Variants in SATB2 observed in about 807,000 individuals in gnomAD.
SATB2 encodes DNA-binding protein SATB2.
SATB2 carries 1 observed loss-of-function variant against 73.4 expected under a neutral mutation model. That is an observed-to-expected ratio of 0.01 (90% confidence interval 0.00 to 0.06). The LOEUF is 0.06. SATB2 is among the 10% of genes least tolerant of loss of function. The pLI, the probability that SATB2 is intolerant of heterozygous loss-of-function variation, is 1.00. For synonymous variants in SATB2, 397 were observed against 367.0 expected, an observed-to-expected ratio of 1.08 and a Z score of -0.93; for missense variants, 459 against 945.8, an observed-to-expected ratio of 0.49 and a Z score of 6.75.
intron 9 of SATB2, among the ~76,000 whole-genome samples, chr2:199,313,812 T>A (rs763861554): frequency 6.6e-6 from 1 of 152,190 alleles, no homozygotes; most frequent in Non-Finnish European, 1.5e-5. Flanking sequence ...GAACCTCTAG[T>A]TCACAATTTA....
chr2:199,395,800 T>G (rs978843529), intron 3 of SATB2: 10 of 152,210 alleles, frequency 6.6e-5, no homozygotes, highest in Non-Finnish European at 1.2e-4. Context: ...GTTGGGGTAG[T>G]ATATTCAATA....
intron 10 of SATB2, among the ~76,000 whole-genome samples, chr2:199,300,801 A>T (rs1230502122): frequency 1.3e-5 from 2 of 152,144 alleles, no homozygotes; most frequent in Admixed American, 6.6e-5. Context: ...CAAGCTACTC[A>T]AGAAACCAGG....
chr2:199,413,470 C>T (rs1690881509), intron 3 of SATB2, among the ~76,000 whole-genome samples: 2 of 152,254 alleles, frequency 1.3e-5, no homozygotes, highest in African/African-American at 2.4e-5. Flanking sequence ...TAGCTTTCTG[C>T]CCCTCTGCTC....
Position 199,410,526 on chromosome 2 carries a change from C to T in SATB2, c.346+22812G>A, listed in dbSNP as rs1690780851. 2.6e-5 allele frequency among the ~76,000 whole-genome samples: 4 copies of T among 152,198 alleles called. No individual in the cohort carries two copies. In the South Asian group the frequency reaches 6.2e-4, roughly 24 times the overall value. ...CATATTTTCCAGTATCATCTGCAAA[C>T]CTTGCTTCTTCGCAAAAAATTGAAC... On this transcript the variant is annotated intron_variant, in intron 3 of 10. Coordinates refer to ENST00000417098, the MANE Select transcript of SATB2 (RefSeq NM_001172509.2).
rs1390156195 is a variant in SATB2 at position 199,464,320 on chromosome 2, G to A, written c.-141+516C>T. On this transcript the variant is annotated intron_variant, in intron 1 of 11. Coordinates refer to the SATB2 transcript ENST00000260926. This position sits in a 1 kb window ranked among gnomAD's most constrained non-coding sequence, Gnocchi z 6.6. The stretch of plus-strand genomic sequence containing the variant: ...TCGCGCGGTCCCGGAGCCACATCCG[G>A]ACTTGGGAACCCCGTGTCGGGCTTA... Among the ~76,000 whole-genome samples the A allele has an allele frequency of 6.6e-6, 1 of 152,188 alleles. No individual in the cohort carries two copies.
chr2:199,355,206 T>C (rs567605905), intron 6 of SATB2, among the ~76,000 whole-genome samples: 54 of 150,066 alleles, frequency 3.6e-4, no homozygotes, highest in African/African-American at 1.1e-3. Context: ...TATATATGTA[T>C]ATATATATAG....
At chr2:199,436,336 C>A (rs1213999944) in intron 2 of SATB2, among the ~76,000 whole-genome samples, 1 of 151,728 alleles carries the variant, frequency 6.6e-6, no homozygotes, top group Non-Finnish European at 1.5e-5. Flanking sequence ...CATTTTGGTT[C>A]AGTGATTGAA....
intron 6 of SATB2, among the ~76,000 whole-genome samples, chr2:199,363,696 A>C (rs1000390524): frequency 6.6e-6 from 1 of 152,216 alleles, no homozygotes; most frequent in African/African-American, 2.4e-5. Context: ...AATTCACTTG[A>C]TTTAATCATT....
At chr2:199,406,767 A>G (rs1018429874) in intron 3 of SATB2, among the ~76,000 whole-genome samples, 2 of 152,110 alleles carry the variant, frequency 1.3e-5, no homozygotes, top group Non-Finnish European at 2.9e-5. Context: ...ATGACACTGA[A>G]AAGCTGAAAA....
intron 9 of SATB2, among the ~76,000 whole-genome samples, chr2:199,314,487 A>T (rs1188208601): frequency 6.6e-6 from 1 of 152,146 alleles, no homozygotes; most frequent in East Asian, 1.9e-4. Flanking sequence ...GTCTCTCAGG[A>T]CATTGATTCT....
chr2:199,435,329 C>T (rs1036729801), intron 2 of SATB2, among the ~76,000 whole-genome samples: 4 of 151,578 alleles, frequency 2.6e-5, no homozygotes, highest in African/African-American at 4.8e-5. Context: ...GGACATGTAG[C>T]GAATAATATA....
chr2:199,361,504 C>A (rs749184592), intron 6 of SATB2, among the ~76,000 whole-genome samples: 1 of 151,904 alleles, frequency 6.6e-6, no homozygotes, highest in Non-Finnish European at 1.5e-5. Flanking sequence ...TACACACCAG[C>A]CTTCCCCCTC....
intron 2 of SATB2, among the ~76,000 whole-genome samples, chr2:199,438,603 C>T (rs1239305790): frequency 6.6e-6 from 1 of 152,148 alleles, no homozygotes; most frequent in Non-Finnish European, 1.5e-5. Context: ...ATGAAAGTGA[C>T]CTGAGGAATG....
At chr2:199,342,724 T>C (rs1381835738) in intron 7 of SATB2, among the ~76,000 whole-genome samples, 1 of 152,174 alleles carries the variant, frequency 6.6e-6, no homozygotes, top group Non-Finnish European at 1.5e-5. Context: ...AATAATAAAA[T>C]ATTGGCAAAA....
chr2:199,293,892 AAAAAC>A (rs1180288292), intron 10 of SATB2, among the ~76,000 whole-genome samples: 2 of 151,882 alleles, frequency 1.3e-5, no homozygotes, highest in Non-Finnish European at 2.9e-5. Flanking sequence ...GTGGGAGAAA[AAAAAC>A]AAAACAAAAC....
intron 3 of SATB2, among the ~76,000 whole-genome samples, chr2:199,386,979 A>T (rs1031658617): frequency 6.6e-6 from 1 of 152,184 alleles, no homozygotes; most frequent in African/African-American, 2.4e-5. Context: ...AACACGGTAC[A>T]ATAAATATTC....
At chr2:199,429,488 G>C (rs1691436265) in intron 3 of SATB2, among the ~76,000 whole-genome samples, 1 of 152,064 alleles carries the variant, frequency 6.6e-6, no homozygotes, top group Admixed American at 6.6e-5. Flanking sequence ...CTGCATGAAT[G>C]TAATTACTCC....
At position 199,325,669 on chromosome 2, in the gene SATB2, T is replaced by G. The variant is rs558848500; in HGVS notation, c.1387-1711A>C. Reference sequence around the variant, plus strand: ...ATTTGCCTCACTGACTATCTCATCCTACCTGATTGGTCAAGCCTTCTCTCC... The same window carrying G: ...ATTTGCCTCACTGACTATCTCATCCGACCTGATTGGTCAAGCCTTCTCTCC... On this transcript the variant is annotated intron_variant, in intron 8 of 10. Coordinates refer to ENST00000417098, the MANE Select transcript of SATB2 (RefSeq NM_001172509.2). 2.0e-5 allele frequency among the ~76,000 whole-genome samples: 3 copies of G among 152,328 alleles called. No homozygotes were observed. The South Asian group carries it at 6.2e-4, about 32-fold the overall frequency.
chr2:199,441,277 A>G, intron 2 of SATB2, among the ~76,000 whole-genome samples: 1 of 152,350 alleles, frequency 6.6e-6, no homozygotes, highest in East Asian at 1.9e-4. Flanking sequence ...AATATTGAAT[A>G]AGAGTAAGAA....
Sources: gnomAD v4.1 joint callset for allele counts (sites outside exome capture counted in the v4.1 genomes callset) on GRCh38, gnomAD v4.1.1 for gene constraint, Gnocchi (gnomAD v3.1) non-coding constraint, MANE v1.5 for transcripts, NCBI Gene and HGNC (gene_info 2026-07-23, HGNC 2026-07-21) for gene names.